Variants in ADAMTS2 observed in about 807,000 individuals in gnomAD.
The protein encoded by ADAMTS2 is ADAM metallopeptidase with thrombospondin type 1 motif 2.
ADAMTS2 carries 50 observed loss-of-function variants against 123.0 expected under a neutral mutation model. That is an observed-to-expected ratio of 0.41 (90% CI 0.32 to 0.51). The LOEUF (loss-of-function observed/expected upper bound fraction) is 0.51, where lower values mean the gene tolerates loss of function less well. Ranked by LOEUF, ADAMTS2 falls within the 20% of genes least tolerant of loss-of-function variation. ADAMTS2 has a pLI of 0.35. For synonymous variants in ADAMTS2, 678 were observed against 695.4 expected, an observed-to-expected ratio of 0.98 and a Z score of 0.39; for missense variants, 1,494 against 1,705.2, an observed-to-expected ratio of 0.88 and a Z score of 2.18.
intron 17 of ADAMTS2, among the ~76,000 whole-genome samples, chr5:179,126,604 G>T (rs1251542082): frequency 6.6e-6 from 1 of 152,242 alleles, no homozygotes; most frequent in Non-Finnish European, 1.5e-5. Flanking sequence ...ACAACTGGGG[G>T]AAGGGGTGCT....
At chr5:179,279,188 A>C (rs1336976986) in intron 2 of ADAMTS2, among the ~76,000 whole-genome samples, 2 of 152,058 alleles carry the variant, frequency 1.3e-5, no homozygotes, top group Non-Finnish European at 2.9e-5. Context: ...AAACACTGTC[A>C]GGTGTGTGCC....
chr5:179,193,918 G>A (rs550096271), intron 4 of ADAMTS2, among the ~76,000 whole-genome samples: 4 of 152,268 alleles, frequency 2.6e-5, no homozygotes, highest in African/African-American at 9.6e-5. Flanking sequence ...GAGAGCCCAC[G>A]CCAGGTCAGC....
chr5:179,205,411 T>G (rs921159563), intron 4 of ADAMTS2, among the ~76,000 whole-genome samples: 7 of 152,248 alleles, frequency 4.6e-5, no homozygotes, highest in Admixed American at 3.3e-4. Flanking sequence ...TTATCTCATG[T>G]AATCACATCA....
At chr5:179,342,199 C>T (rs1757794548) in intron 2 of ADAMTS2, among the ~76,000 whole-genome samples, 1 of 152,214 alleles carries the variant, frequency 6.6e-6, no homozygotes. Flanking sequence ...AAATGCTCTC[C>T]ATCAGGAATG....
At chr5:179,196,112 T>C (rs1379242952) in intron 4 of ADAMTS2, among the ~76,000 whole-genome samples, 1 of 152,178 alleles carries the variant, frequency 6.6e-6, no homozygotes, top group Non-Finnish European at 1.5e-5. Context: ...TGAAAGTTGG[T>C]GAGAAATTGA....
intron 13 of ADAMTS2, 131 bp downstream of exon 13, chr5:179,135,778 C>G: frequency 1.5e-6 from 2 of 1,371,796 alleles, no homozygotes; most frequent in Non-Finnish European, 2.0e-6. Context: ...TGCCCTGGTC[C>G]GGGCATTGTT....
chr5:179,323,829 A>G (rs1208892408), intron 2 of ADAMTS2, among the ~76,000 whole-genome samples: 2 of 152,252 alleles, frequency 1.3e-5, no homozygotes, highest in Non-Finnish European at 2.9e-5. Flanking sequence ...AAAGCACACA[A>G]AAAAGTTTTA....
intron 21 of ADAMTS2, 147 bp from the exon 22 acceptor site, chr5:179,114,471 G>T: frequency 1.2e-6 from 1 of 807,504 alleles, no homozygotes; most frequent in Non-Finnish European, 2.0e-6. Flanking sequence ...GTCTGTGTGG[G>T]TTCAGTGTCA....
At chr5:179,299,386 G>A (rs71596419) in intron 2 of ADAMTS2, among the ~76,000 whole-genome samples, 2,197 of 3,030 alleles carry the variant, frequency 0.73, 952 homozygotes, top group Middle Eastern at 1. Flanking sequence ...AAAATCAGCC[G>A]GCCGTGGTGG....
chr5:179,248,459 C>T (rs1581219050), intron 3 of ADAMTS2, among the ~76,000 whole-genome samples: 1 of 151,412 alleles, frequency 6.6e-6, no homozygotes, highest in Admixed American at 6.6e-5. Context: ...TTAAAAAATC[C>T]CAAGATATAA....
At chr5:179,231,469 T>C (rs1246073177) in intron 3 of ADAMTS2, among the ~76,000 whole-genome samples, 1 of 152,012 alleles carries the variant, frequency 6.6e-6, no homozygotes, top group Non-Finnish European at 1.5e-5. Flanking sequence ...AGAAGACGAG[T>C]GTCTACCGCC....
At chr5:179,330,102 C>T (rs187321103) in intron 2 of ADAMTS2, among the ~76,000 whole-genome samples, 455 of 142,762 alleles carry the variant, frequency 3.2e-3, no homozygotes, top group Middle Eastern at 7.6e-3. Flanking sequence ...GTCCGCAGTC[C>T]GGCCTGGGCG....
rs1762985746 is a variant in ADAMTS2 at position 179,132,693 on chromosome 5, A to G, written c.2209+84T>C. 2.0e-6 allele frequency: 3 copies of G among 1,538,256 alleles called. No homozygotes were observed. Among genetic ancestry groups the G allele is most frequent in the Non-Finnish European group, 2.7e-6 (3 of 1,126,510 alleles). On this transcript the variant is annotated intron_variant, in intron 14 of 21. Coordinates refer to ENST00000251582, the MANE Select transcript of ADAMTS2 (RefSeq NM_014244.5). This position sits in a 1 kb window ranked among gnomAD's most constrained non-coding sequence, Gnocchi z 6.1. ...AACAGTCATAAGCCCGGACAGCCCCAGGATGAGTCAGGCCCTCAGCTGTCC... is the reference window on the plus strand; with the variant it reads ...AACAGTCATAAGCCCGGACAGCCCCGGGATGAGTCAGGCCCTCAGCTGTCC...
chr5:179,127,475 T>C (rs1302951578), intron 17 of ADAMTS2, among the ~76,000 whole-genome samples: 1 of 152,078 alleles, frequency 6.6e-6, no homozygotes, highest in African/African-American at 2.4e-5. Flanking sequence ...CTGGGTCCTA[T>C]GTCCCATCAA....
chr5:179,152,385 G>A (rs1763378412), intron 9 of ADAMTS2, 130 bp from the exon 10 acceptor site: 1 of 865,696 alleles, frequency 1.2e-6, no homozygotes, highest in East Asian at 2.7e-5. Context: ...CGTGAGGCTG[G>A]TGGGTGTTGT....
Position 179,314,346 on chromosome 5 carries a change from G to A in ADAMTS2, c.534+29421C>T, listed in dbSNP as rs982501697. ...GCTGCCACGTCTCACTGGGAGCTGGGCGGCCGCCAGCTCTGAGCTAAGTGA... is the reference window on the plus strand; with the variant it reads ...GCTGCCACGTCTCACTGGGAGCTGGACGGCCGCCAGCTCTGAGCTAAGTGA... On this transcript the variant is annotated intron_variant, in intron 2 of 21. Coordinates refer to ENST00000251582, the MANE Select transcript of ADAMTS2 (RefSeq NM_014244.5). The surrounding 1 kb of genome is among the most constrained non-coding windows in gnomAD (Gnocchi z 4.5). Among the ~76,000 whole-genome samples, 5 of 152,374 alleles carry A rather than the reference G, an allele frequency of 3.3e-5. No individual in the cohort carries two copies. The highest frequency in any genetic ancestry group is 1.9e-4 in the East Asian group (1 of 5,182).
chr5:179,228,117 G>C lies in ADAMTS2; in HGVS notation c.689-20402C>G, dbSNP rs573446751. Among the ~76,000 whole-genome samples, 2 of 152,190 alleles carry C rather than the reference G, an allele frequency of 1.3e-5. No individual in the cohort carries two copies. The highest frequency in any genetic ancestry group is 4.8e-5 in the African/African-American group (2 of 41,456). On this transcript the variant is annotated intron_variant, in intron 3 of 21. Transcript: ENST00000251582. This position sits in a 1 kb window ranked among gnomAD's most constrained non-coding sequence, Gnocchi z 5.2. ...TGGGGACACAAGGACAGACACCCAT[G>C]AGACACTCAGGCAGGAGTGGTCTGG...
At chr5:179,302,725 AG>A (rs375646471) in intron 2 of ADAMTS2, among the ~76,000 whole-genome samples, 11 of 149,626 alleles carry the variant, frequency 7.4e-5, no homozygotes, top group African/African-American at 2.5e-4. Flanking sequence ...AGTATTGTTG[AG>A]GGGGGCGGGG....
chr5:179,179,191 C>T (rs547316844), intron 5 of ADAMTS2, among the ~76,000 whole-genome samples: 1 of 151,994 alleles, frequency 6.6e-6, no homozygotes, highest in Non-Finnish European at 1.5e-5. Flanking sequence ...AAGTGATCTA[C>T]CCACCTTGGC....
Sources: allele counts gnomAD v4.1 joint callset (sites outside exome capture counted in the v4.1 genomes callset), GRCh38; gene constraint gnomAD v4.1.1; non-coding constraint Gnocchi (gnomAD v3.1); transcripts MANE v1.5; gene names NCBI Gene and HGNC (gene_info 2026-07-23, HGNC 2026-07-21).